PTGER3: variants seen among roughly 807,000 people sequenced by gnomAD.
PTGER3 encodes prostaglandin E receptor 3, also known as prostaglandin E2 receptor EP3 subtype.
In PTGER3, 22 loss-of-function variants were observed where a neutral mutation model predicts 34.7. The ratio of observed to expected loss-of-function variants is 0.63; its 90% CI spans 0.45 to 0.91. The LOEUF (loss-of-function observed/expected upper bound fraction) is 0.91, where lower values mean the gene tolerates loss of function less well. Among genes scored for constraint, PTGER3 ranks in the 40% least tolerant of loss-of-function variants. PTGER3 has a pLI of 0.00. For missense variants in PTGER3, 468 were observed against 519.4 expected, an observed-to-expected ratio of 0.90 and a Z score of 0.96; for synonymous variants, 241 against 230.1, an observed-to-expected ratio of 1.05 and a Z score of -0.43.
At chr1:70,918,957 A>G (rs1333404574) in intron 4 of PTGER3, among the ~76,000 whole-genome samples, 1 of 152,092 alleles carries the variant, frequency 6.6e-6, no homozygotes. Context: ...AAATAGTTAT[A>G]GTTTCTTGGA....
chr1:70,952,485 T>C, exon 4 of PTGER3: 1 of 986,166 alleles, frequency 1.0e-6, no homozygotes, highest in Middle Eastern at 5.2e-4. Flanking sequence ...AGATTTTCCA[T>C]TCACAAACCC....
At chr1:70,901,040 G>A (rs1646827683) in intron 4 of PTGER3, among the ~76,000 whole-genome samples, 1 of 152,176 alleles carries the variant, frequency 6.6e-6, no homozygotes, top group Admixed American at 6.5e-5. Context: ...CATGCCGTAT[G>A]TGGTAAGACT....
At chr1:70,887,947 G>A (rs1427644293) in intron 4 of PTGER3, among the ~76,000 whole-genome samples, 2 of 151,288 alleles carry the variant, frequency 1.3e-5, no homozygotes, top group Non-Finnish European at 2.9e-5. Flanking sequence ...TATGGGTAAA[G>A]GCAGCTTCAT....
At chr1:70,969,667 G>T (rs945728845), downstream of PTGER3, among the ~76,000 whole-genome samples, 2 of 152,176 alleles carry the variant, frequency 1.3e-5, no homozygotes, top group African/African-American at 4.8e-5. Context: ...GAACATGTGG[G>T]AGGTGGGTAG....
chr1:70,852,863 G>C lies in PTGER3; in HGVS notation c.*24-4C>G, dbSNP rs200998859. On this transcript the variant is annotated splice_region_variant and splice_polypyrimidine_tract_variant and intron_variant, in intron 4 of 4. Transcript: ENST00000370931. ...TTTAATTTCCCCAAAATTCCTCCTG[G>C]AAAACAAACAAATCAATTAGGATAG... The C allele has an allele frequency of 2.0e-3, 3,203 of 1,612,630 alleles. 9 individuals are homozygous for C. Among genetic ancestry groups the C allele is most frequent in the Non-Finnish European group, 2.0e-3 (2,412 of 1,178,964 alleles).
At chr1:71,010,663 T>A in intron 2 of PTGER3, 5 of 984,436 alleles carry the variant, frequency 5.1e-6, no homozygotes, top group Non-Finnish European at 6.0e-6. Context: ...TACAGGATAA[T>A]CCAATTCTAT....
rs1173841108 is a variant in PTGER3 at position 70,981,316 on chromosome 1, CTTTCTTCTTTCTTTCT to C, written c.1078-6944_1078-6929del. 2.8e-3 allele frequency among the ~76,000 whole-genome samples: 168 copies of C among 60,644 alleles called. 3 individuals carry two copies. The highest frequency in any genetic ancestry group is 0.01 in the African/African-American group (161 of 15,340). 39.8% of individuals were successfully genotyped at this position (60,644 alleles called of 152,430 possible). A position where few individuals can be genotyped will look rare whatever the true frequency, so the allele number is the denominator to read the frequency against. On this transcript the variant is annotated intron_variant, in intron 2 of 3. Coordinates refer to ENST00000306666, the MANE Select transcript of PTGER3 (RefSeq NM_198719.2). ...TCTTCCTTCCTTCCTTCCTTCCTTC[CTTTCTTCTTTCTTTCT>C]TTCTTTCTTTCTTTCTTTCTTTCTT...
chr1:70,992,920 A>G (rs560440357), intron 2 of PTGER3, among the ~76,000 whole-genome samples: 3 of 152,170 alleles, frequency 2.0e-5, no homozygotes, highest in Non-Finnish European at 4.4e-5. Flanking sequence ...TATAACTAAG[A>G]CCCAAAACAT....
intron 4 of PTGER3, among the ~76,000 whole-genome samples, chr1:70,907,831 A>G (rs1394013408): frequency 6.6e-6 from 1 of 152,166 alleles, no homozygotes; most frequent in Non-Finnish European, 1.5e-5. Flanking sequence ...GGGTGGCTCA[A>G]TATTTCATGT....
At chr1:70,957,271 A>G (rs937629170) in intron 2 of PTGER3, among the ~76,000 whole-genome samples, 3 of 152,122 alleles carry the variant, frequency 2.0e-5, no homozygotes, top group Admixed American at 6.5e-5. Flanking sequence ...TATTGTTCTG[A>G]TTTGGAAACT....
At chr1:70,950,263 A>G (rs1253281424), downstream of PTGER3, among the ~76,000 whole-genome samples, 1 of 152,242 alleles carries the variant, frequency 6.6e-6, no homozygotes, top group African/African-American at 2.4e-5. Flanking sequence ...CTTCTTGCAC[A>G]TCTAGAACAA....
At chr1:70,914,567 C>T (rs764868342) in intron 4 of PTGER3, among the ~76,000 whole-genome samples, 3 of 151,862 alleles carry the variant, frequency 2.0e-5, no homozygotes, top group Non-Finnish European at 4.4e-5. Flanking sequence ...AAACTTGTCA[C>T]AGGACTCCCA....
intron 1 of PTGER3, among the ~76,000 whole-genome samples, chr1:71,016,192 T>G (rs748651685): frequency 1.2e-4 from 19 of 152,182 alleles, no homozygotes; most frequent in Non-Finnish European, 2.6e-4. Context: ...GTAATTTCTT[T>G]CACAGGAATT....
chr1:70,922,252 T>G (rs1647601769), intron 4 of PTGER3, among the ~76,000 whole-genome samples: 1 of 152,160 alleles, frequency 6.6e-6, no homozygotes, highest in Admixed American at 6.6e-5. Flanking sequence ...TAAGAAACGA[T>G]CTTCTATGGT....
At chr1:70,882,751 C>G (rs148936435) in intron 4 of PTGER3, among the ~76,000 whole-genome samples, 45 of 152,258 alleles carry the variant, frequency 3.0e-4, no homozygotes, top group African/African-American at 1.1e-3. Flanking sequence ...CTAGGGGGCT[C>G]TCACTCGCTC....
At chr1:70,880,703 A>G (rs999365906) in intron 4 of PTGER3, among the ~76,000 whole-genome samples, 2 of 151,826 alleles carry the variant, frequency 1.3e-5, no homozygotes, top group Non-Finnish European at 2.9e-5. Flanking sequence ...AAAAAGAAAA[A>G]AAAAAAAAAG....
intron 1 of PTGER3, among the ~76,000 whole-genome samples, chr1:71,023,368 G>A (rs1208897517): frequency 6.6e-6 from 1 of 151,844 alleles, no homozygotes; most frequent in Non-Finnish European, 1.5e-5. Flanking sequence ...TTCCTCTGCA[G>A]TCCCCTTTAT....
At chr1:71,010,441 T>C in intron 2 of PTGER3, 1 of 984,308 alleles carries the variant, frequency 1.0e-6, no homozygotes, top group Non-Finnish European at 1.2e-6. Context: ...AAATATGTAT[T>C]AGACAGTTTC....
At chr1:70,924,241 C>A (rs974530018) in intron 4 of PTGER3, among the ~76,000 whole-genome samples, 5 of 152,090 alleles carry the variant, frequency 3.3e-5, no homozygotes, top group African/African-American at 1.2e-4. Flanking sequence ...AAGCTTATGG[C>A]AAATATTTAT....
Sources: allele counts gnomAD v4.1 joint callset (sites outside exome capture counted in the v4.1 genomes callset), GRCh38; gene constraint gnomAD v4.1.1; transcripts MANE v1.5; gene names NCBI Gene and HGNC (gene_info 2026-07-23, HGNC 2026-07-21).